The following RADIL variants were observed in gnomAD, a reference collection of about 807,000 sequenced individuals.
RADIL encodes Rap associating with DIL domain, also known as ras-associating and dilute domain-containing protein.
A neutral mutation model predicts 97.6 loss-of-function variants in RADIL; 99 were observed. The observed-to-expected ratio is 1.01, with a 90% CI of 0.86 to 1.20. The LOEUF (loss-of-function observed/expected upper bound fraction) is 1.20. Ranked by LOEUF, RADIL falls within the 50% of genes most tolerant of loss-of-function variation. The pLI, the probability that RADIL is intolerant of heterozygous loss-of-function variation, is 0.00. For synonymous variants in RADIL, 803 were observed against 691.8 expected (o/e 1.16, Z -2.52); for missense variants, 1,765 against 1,498.9 (o/e 1.18, Z -2.93).
At chr7:4,808,170 C>A (rs1782407200) in intron 9 of RADIL, among the ~76,000 whole-genome samples, 1 of 142,630 alleles carries the variant, frequency 7.0e-6, no homozygotes. Flanking sequence ...TCCCCTCTCT[C>A]CCTGTATCTT....
At chr7:4,805,964 C>T in intron 9 of RADIL, 2 of 985,446 alleles carry the variant, frequency 2.0e-6, no homozygotes, top group Non-Finnish European at 2.4e-6. Context: ...GGAACCCACC[C>T]CCGTCTCAAG....
In RADIL at chr7:4,797,691, C is replaced by T. The variant is rs1781960681; in HGVS notation, c.*1687G>A. ...GTTGTGGGACTCCTAGGAAAAGAAA[C>T]AGAACAAGGCCAGGCATGGTAATCC... On this transcript the variant is annotated 3_prime_UTR_variant, in exon 15 of 15. Transcript: ENST00000399583. 6.6e-6 allele frequency: 1 copy of T among 152,208 alleles called. No individual in the cohort carries two copies. The highest frequency in any genetic ancestry group is 2.4e-5 in the African/African-American group (1 of 41,416). The allele number at this position is 152,208 out of a possible 1,614,324, so 9.4% of individuals were successfully genotyped here. A position where few individuals can be genotyped will look rare whatever the true frequency, so the allele number is the denominator to read the frequency against.
intron 2 of RADIL, among the ~76,000 whole-genome samples, chr7:4,856,889 A>G (rs1783845859): frequency 1.3e-5 from 2 of 152,252 alleles, no homozygotes; most frequent in Non-Finnish European, 2.9e-5. Context: ...CATATTGTCT[A>G]TGACTGATTG....
intron 9 of RADIL, among the ~76,000 whole-genome samples, chr7:4,811,479 C>CTTTTTTTTTT (rs35136302): frequency 3.4e-5 from 2 of 59,046 alleles, no homozygotes; most frequent in Non-Finnish European, 3.1e-5. Context: ...GGTATTATTT[C>CTTTTTTTTTT]TTTTTTTTTT....
intron 2 of RADIL, among the ~76,000 whole-genome samples, chr7:4,870,217 C>T (rs1008195280): frequency 9.9e-5 from 15 of 152,132 alleles, no homozygotes; most frequent in Non-Finnish European, 2.1e-4. Context: ...AGGGAAGGGG[C>T]GCAGGGCGAG....
chr7:4,841,524 A>C (rs1220592687), intron 2 of RADIL, among the ~76,000 whole-genome samples: 1 of 152,192 alleles, frequency 6.6e-6, no homozygotes, highest in African/African-American at 2.4e-5. Context: ...TCTCAGGATA[A>C]GTGTCTGTCA....
chr7:4,822,454 A>G lies in RADIL; in HGVS notation c.1555T>C (p.Phe519Leu). The change falls in exon 6 of 15, where the codon TTT (phenylalanine) becomes CTT (leucine). Residue 519 changes from phenylalanine to leucine, a missense_variant. By Grantham distance (22) the Phe-to-Leu change is conservative (BLOSUM62 0). Transcript: ENST00000399583. This position sits in a 1 kb window ranked among gnomAD's most constrained non-coding sequence, Gnocchi z 5.3. ...TAGAGTGGGCATTTCTGCTGGATAA[A>G]GTACAGGAGCTCGATGGAGTTAGAC... ...WMSNSIELLYFIQQKCPLYMQ... is the reference protein window; with the variant it reads ...WMSNSIELLYLIQQKCPLYMQ... 1 of 1,613,064 alleles carries G rather than the reference A, an allele frequency of 6.2e-7. No homozygotes were observed.
intron 2 of RADIL, among the ~76,000 whole-genome samples, chr7:4,866,984 T>C (rs760086179): frequency 4.6e-5 from 7 of 152,156 alleles, no homozygotes; most frequent in Non-Finnish European, 8.8e-5. Context: ...CAGGTTTCCC[T>C]CTTTGCACCT....
At chr7:4,809,669 A>AT (rs757740171) in intron 9 of RADIL, 3 of 946,056 alleles carry the variant, frequency 3.2e-6, no homozygotes, top group East Asian at 1.2e-4. Flanking sequence ...TTATTTATTT[A>AT]TTTATTTTAT....
chr7:4,841,987 C>T (rs936289789), intron 2 of RADIL, among the ~76,000 whole-genome samples: 1 of 151,546 alleles, frequency 6.6e-6, no homozygotes, highest in East Asian at 1.9e-4. Flanking sequence ...CCCAGGAGGT[C>T]GAGGCTGCAG....
Position 4,801,422 on chromosome 7 carries a change from CAGTG to C in RADIL, c.2842+227_2842+230del, listed in dbSNP as rs562038416. ...TCTAGACTCTCTCCCTCCCAGATCA[CAGTG>C]AGTATCTGCCCAAGACGTGTCAGCG... On this transcript the variant is annotated intron_variant, in intron 12 of 14. Coordinates refer to ENST00000399583, the MANE Select transcript of RADIL (RefSeq NM_018059.5). Among the ~76,000 whole-genome samples, 115 of 152,356 alleles carry C rather than the reference CAGTG, an allele frequency of 7.5e-4. 1 individual carries two copies. Among genetic ancestry groups the C allele is most frequent in the African/African-American group, 2.6e-3 (107 of 41,586 alleles).
chr7:4,866,535 G>A (rs1438525459), intron 2 of RADIL, among the ~76,000 whole-genome samples: 1 of 152,160 alleles, frequency 6.6e-6, no homozygotes, highest in African/African-American at 2.4e-5. Flanking sequence ...AGATAGAGGG[G>A]CAATTTCAAA....
At chr7:4,810,640 C>T (rs117667485) in intron 9 of RADIL, among the ~76,000 whole-genome samples, 7 of 152,358 alleles carry the variant, frequency 4.6e-5, no homozygotes, top group Admixed American at 2.6e-4. Flanking sequence ...GAGGGACCCA[C>T]GGAAGCATCT....
chr7:4,873,221 C>T lies in RADIL; in HGVS notation c.535+4384G>A, dbSNP rs139669067. 2.9e-3 allele frequency among the ~76,000 whole-genome samples: 444 copies of T among 152,258 alleles called. 4 individuals carry two copies. The highest frequency in any genetic ancestry group is 0.01 in the African/African-American group (431 of 41,548). On this transcript the variant is annotated intron_variant, in intron 2 of 14. Coordinates refer to ENST00000399583, the MANE Select transcript of RADIL (RefSeq NM_018059.5). This position sits in a 1 kb window ranked among gnomAD's most constrained non-coding sequence, Gnocchi z 4.3. ...GTGCTGGGATTACACGCGTGAGCCA[C>T]CGCGCCCGGCCAAGTGTGACTCTTA...
chr7:4,877,496 G>A, intron 2 of RADIL, 109 bp downstream of exon 2: 1 of 1,252,016 alleles, frequency 8.0e-7, no homozygotes. Context: ...CTCCTGCAGA[G>A]CGAGCCCGCC....
chr7:4,804,407 C>G (rs1029247943), intron 10 of RADIL, among the ~76,000 whole-genome samples: 1 of 152,236 alleles, frequency 6.6e-6, no homozygotes, highest in African/African-American at 2.4e-5. Flanking sequence ...ATCGCCTCTG[C>G]GCCTCCCGCC....
In RADIL at chr7:4,802,529, G is replaced by A. The variant is rs188029876; in HGVS notation, c.2500-534C>T. On this transcript the variant is annotated intron_variant, in intron 11 of 14. Coordinates refer to ENST00000399583, the MANE Select transcript of RADIL (RefSeq NM_018059.5). Reference sequence around the variant, plus strand: ...GGCATGCTGGATGGACCCCCTCTCTGGGCACCTCAGGGAATGCTGGCTGGA... The same window carrying A: ...GGCATGCTGGATGGACCCCCTCTCTAGGCACCTCAGGGAATGCTGGCTGGA... Among the ~76,000 whole-genome samples the A allele has an allele frequency of 5.1e-3, 638 of 125,080 alleles. 10 individuals are homozygous for A. The highest frequency in any genetic ancestry group is 7.1e-3 in the Non-Finnish European group (437 of 61,248). The allele number at this position is 125,080 out of a possible 152,430, so 82.1% of individuals were successfully genotyped here.
rs373918689 is a variant in RADIL at position 4,877,711 on chromosome 7, G to C, written c.429C>G (p.Ile143Met). 4.3e-6 allele frequency: 7 copies of C among 1,614,024 alleles called. No individual in the cohort carries two copies. The highest frequency in any genetic ancestry group is 1.3e-5 in the African/African-American group (1 of 74,938). Residue 143 changes from isoleucine (I) to methionine (M), a missense_variant, in exon 2 of 15, where the codon ATC (isoleucine) becomes ATG (methionine). Coordinates refer to ENST00000399583, the MANE Select transcript of RADIL (RefSeq NM_018059.5). Reference sequence around the variant, plus strand: ...CTTCTCGGGGTTTCCATAATTCCTGGATCAAGAGGGGCTTCTCACTGTCCC... The same window carrying C: ...CTTCTCGGGGTTTCCATAATTCCTGCATCAAGAGGGGCTTCTCACTGTCCC... ...VFGDSEKPLL[I>M]QELWKPREGL... is the part of the protein sequence containing the mutation.
chr7:4,865,647 C>T (rs1784114813), intron 2 of RADIL: 5 of 914,206 alleles, frequency 5.5e-6, no homozygotes, highest in Non-Finnish European at 7.4e-6. Flanking sequence ...AGGTTCCCAG[C>T]TTTTCCATTC....
Sources: gnomAD v4.1 joint callset for allele counts (sites outside exome capture counted in the v4.1 genomes callset) on GRCh38, gnomAD v4.1.1 for gene constraint, Gnocchi (gnomAD v3.1) non-coding constraint, MANE v1.5 for transcripts, NCBI Gene and HGNC (gene_info 2026-07-23, HGNC 2026-07-21) for gene names.